The following NGEF variants were observed in gnomAD, a reference collection of about 807,000 sequenced individuals.
The protein encoded by NGEF is neuronal guanine nucleotide exchange factor.
Under a neutral mutation model 80.9 loss-of-function variants are expected in NGEF, and 31 were observed. The observed-to-expected ratio is 0.38, with a 90% CI of 0.29 to 0.52. The LOEUF (loss-of-function observed/expected upper bound fraction) is 0.52. NGEF is among the 20% of genes least tolerant of loss of function. The probability of loss-of-function intolerance (pLI) is 0.84; values close to 1 mark genes in which losing one functional copy is unlikely to be tolerated. For synonymous variants in NGEF, 371 were observed against 370.2 expected (o/e 1.00, Z -0.03); for missense variants, 709 against 926.2 (o/e 0.77, Z 3.04).
intron 3 of NGEF, among the ~76,000 whole-genome samples, chr2:232,967,050 A>G (rs1391104666): frequency 2.6e-5 from 4 of 152,122 alleles, no homozygotes; most frequent in Non-Finnish European, 5.9e-5. Context: ...GTAATCCCCA[A>G]TGCCTGAGGT....
At chr2:232,888,277 C>A (rs1691761145) in intron 8 of NGEF, among the ~76,000 whole-genome samples, 170 bp from the exon 9 acceptor site, 2 of 151,520 alleles carry the variant, frequency 1.3e-5, no homozygotes. Flanking sequence ...CACATGCATA[C>A]AGACCTGCGT....
At chr2:232,997,464 G>T (rs189477744) in intron 1 of NGEF, among the ~76,000 whole-genome samples, 2 of 152,208 alleles carry the variant, frequency 1.3e-5, no homozygotes, top group Admixed American at 6.5e-5. Flanking sequence ...AGTGAAGCTG[G>T]CATCCAAGCC....
chr2:232,916,296 A>G (rs999964636), intron 5 of NGEF, among the ~76,000 whole-genome samples: 1 of 152,238 alleles, frequency 6.6e-6, no homozygotes, highest in African/African-American at 2.4e-5. Context: ...AGAGGTAGGT[A>G]CTAGGATTTC....
At chr2:232,893,373 C>G (rs1691944593) in intron 6 of NGEF, among the ~76,000 whole-genome samples, 1 of 152,236 alleles carries the variant, frequency 6.6e-6, no homozygotes, top group Non-Finnish European at 1.5e-5. Flanking sequence ...GGGGTAGGGA[C>G]TGGCCCCTGG....
intron 3 of NGEF, among the ~76,000 whole-genome samples, chr2:232,958,828 C>T (rs1173052220): frequency 2.0e-5 from 3 of 152,046 alleles, no homozygotes; most frequent in Non-Finnish European, 2.9e-5. Flanking sequence ...TATTCATCAC[C>T]CAGCTTCAAG....
At chr2:232,937,820 T>C (rs1218436067) in intron 3 of NGEF, among the ~76,000 whole-genome samples, 4 of 152,208 alleles carry the variant, frequency 2.6e-5, no homozygotes, top group African/African-American at 7.2e-5. Flanking sequence ...CTGATCTCTT[T>C]GGGAACTTGC....
At chr2:232,913,062 T>C (rs1326734066) in intron 5 of NGEF, among the ~76,000 whole-genome samples, 1 of 152,224 alleles carries the variant, frequency 6.6e-6, no homozygotes, top group Non-Finnish European at 1.5e-5. Context: ...GCTCTTTTCC[T>C]AGCCCAGTTT....
At chr2:232,908,070 A>C (rs998552649) in intron 5 of NGEF, among the ~76,000 whole-genome samples, 1 of 152,194 alleles carries the variant, frequency 6.6e-6, no homozygotes, top group African/African-American at 2.4e-5. Flanking sequence ...AGATCGTACC[A>C]CTGCACTCCA....
chr2:232,930,429 C>G (rs966694012), intron 3 of NGEF, among the ~76,000 whole-genome samples: 2 of 152,056 alleles, frequency 1.3e-5, no homozygotes, highest in African/African-American at 4.8e-5. Context: ...AAGCGATTCT[C>G]CTGCCTCAGG....
intron 2 of NGEF, among the ~76,000 whole-genome samples, chr2:232,972,744 C>CAT (rs1694219672): frequency 4.1e-5 from 5 of 123,320 alleles, no homozygotes; most frequent in Admixed American, 9.4e-5. Flanking sequence ...TGTCCTTATC[C>CAT]TTTTTTTTTT....
intron 3 of NGEF, among the ~76,000 whole-genome samples, chr2:232,952,970 CAAAAAAAAAAA>C: frequency 1.4e-5 from 1 of 73,074 alleles, no homozygotes; most frequent in South Asian, 5.0e-4. Context: ...AGACAGCCCT[CAAAAAAAAAAA>C]AAAAAAAAAA....
intron 3 of NGEF, among the ~76,000 whole-genome samples, chr2:232,948,184 T>TG (rs1693601074): frequency 1.4e-5 from 2 of 146,370 alleles, no homozygotes; most frequent in Non-Finnish European, 3.0e-5. Flanking sequence ...TGTGTGTGTG[T>TG]ATATAATTAT....
rs1445096539 is a variant in NGEF, at chr2:232,920,603, TA to T, written c.527-19del. 4.6e-6 allele frequency: 7 copies of T among 1,508,784 alleles called. 1 individual carries two copies. In the African/African-American group the frequency reaches 7.0e-5, roughly 15 times the overall value. The allele number at this position is 1,508,784 out of a possible 1,614,324, so 93.5% of individuals were successfully genotyped here. On this transcript the variant is annotated intron_variant, in intron 4 of 14. Transcript: ENST00000264051. Reference sequence around the variant, plus strand: ...CAGGAGCCCTGAAATCAAAGAGTTGTAAAAAAGAAAAGGAAAAGATCTCAGA... The same window carrying T: ...CAGGAGCCCTGAAATCAAAGAGTTGTAAAAAGAAAAGGAAAAGATCTCAGA...
In NGEF at chr2:232,883,974, G is replaced by A. The variant is rs779358609; in HGVS notation, c.1601+7C>T. 1.9e-6 allele frequency: 3 copies of A among 1,605,620 alleles called. No individual in the cohort carries two copies. Among genetic ancestry groups the A allele is most frequent in the Admixed American group, 1.7e-5 (1 of 59,428 alleles). Reference sequence around the variant, plus strand: ...CGGAGCGCCTGATGCCCTGGGCCCCGACTCACCCTGGAATCTGCCGGCAGA... The same window carrying A: ...CGGAGCGCCTGATGCCCTGGGCCCCAACTCACCCTGGAATCTGCCGGCAGA... On this transcript the variant is annotated splice_region_variant and intron_variant, in intron 11 of 14. Coordinates refer to ENST00000264051, the MANE Select transcript of NGEF (RefSeq NM_019850.3).
chr2:232,906,881 C>T (rs1238754494), intron 5 of NGEF, among the ~76,000 whole-genome samples: 3 of 151,508 alleles, frequency 2.0e-5, no homozygotes, highest in African/African-American at 7.3e-5. Context: ...TATGACCTTA[C>T]CCCCAACCCA....
intron 3 of NGEF, among the ~76,000 whole-genome samples, chr2:232,955,453 C>T (rs537845511): frequency 6.6e-6 from 1 of 152,300 alleles, no homozygotes; most frequent in South Asian, 2.1e-4. Flanking sequence ...ATCATGGCAG[C>T]CTGCTGATCA....
chr2:232,936,928 C>T (rs1052648134), intron 3 of NGEF, among the ~76,000 whole-genome samples: 2 of 152,080 alleles, frequency 1.3e-5, no homozygotes, highest in African/African-American at 4.8e-5. Context: ...TGTAGACTGT[C>T]CTTTAACTTT....
intron 1 of NGEF, among the ~76,000 whole-genome samples, chr2:233,002,196 G>T (rs1322242975): frequency 6.6e-6 from 1 of 152,086 alleles, no homozygotes; most frequent in Non-Finnish European, 1.5e-5. Context: ...GGAGGGACAC[G>T]AGTCAAACGT....
At position 232,936,143 on chromosome 2, in the gene NGEF, C is replaced by T. The variant is rs560202524; in HGVS notation, c.384-8957G>A. On this transcript the variant is annotated intron_variant, in intron 3 of 14. Coordinates refer to ENST00000264051, the MANE Select transcript of NGEF (RefSeq NM_019850.3). ...CTGCAGCAGTGAGATACCCAGAAACCCATACTCTGTGGATGAAGAGATTTT... is the reference window on the plus strand; with the variant it reads ...CTGCAGCAGTGAGATACCCAGAAACTCATACTCTGTGGATGAAGAGATTTT... 1.1e-3 allele frequency among the ~76,000 whole-genome samples: 169 copies of T among 152,276 alleles called. 3 individuals carry two copies. The highest frequency in any genetic ancestry group is 3.3e-3 in the Admixed American group (51 of 15,294).
Sources: allele counts gnomAD v4.1 joint callset (sites outside exome capture counted in the v4.1 genomes callset), GRCh38; gene constraint gnomAD v4.1.1; transcripts MANE v1.5; gene names NCBI Gene and HGNC (gene_info 2026-07-23, HGNC 2026-07-21).